The following ST18 variants were observed in gnomAD, a reference collection of about 807,000 sequenced individuals.
ST18 encodes suppression of tumorigenicity 18 protein.
In ST18, 50 loss-of-function variants were observed where a neutral mutation model predicts 110.0. The ratio of observed to expected loss-of-function variants is 0.45; its 90% CI spans 0.36 to 0.58. The LOEUF (loss-of-function observed/expected upper bound fraction) is 0.58. ST18 is among the 20% of genes least tolerant of loss of function. The pLI is 0.00. For synonymous variants in ST18, 461 were observed against 452.4 expected, an observed-to-expected ratio of 1.02 and a Z score of -0.24; for missense variants, 1,306 against 1,280.1, an observed-to-expected ratio of 1.02 and a Z score of -0.31.
intron 8 of ST18, among the ~76,000 whole-genome samples, chr8:52,207,100 T>A (rs1046231644): frequency 6.6e-6 from 1 of 152,134 alleles, no homozygotes; most frequent in African/African-American, 2.4e-5. Flanking sequence ...ATAAAGACTA[T>A]AATGAATGAA....
intron 22 of ST18, among the ~76,000 whole-genome samples, chr8:52,128,203 A>G (rs1030109094): frequency 6.6e-5 from 10 of 152,206 alleles, no homozygotes; most frequent in African/African-American, 2.2e-4. Context: ...TCCTGACAGC[A>G]AGTGATCTGC....
intron 2 of ST18, among the ~76,000 whole-genome samples, chr8:52,313,788 C>T (rs760887709): frequency 1.3e-5 from 2 of 152,162 alleles, no homozygotes; most frequent in Non-Finnish European, 2.9e-5. Flanking sequence ...ATCGTTGCTG[C>T]CCCGAGGCCT....
At chr8:52,357,730 T>A (rs868165101) in intron 2 of ST18, among the ~76,000 whole-genome samples, 122 of 86,712 alleles carry the variant, frequency 1.4e-3, no homozygotes, top group East Asian at 4.5e-3. Flanking sequence ...TATATATATA[T>A]AAAACAGACT....
At chr8:52,335,800 C>G (rs948122026) in intron 2 of ST18, among the ~76,000 whole-genome samples, 32 of 152,128 alleles carry the variant, frequency 2.1e-4, no homozygotes, top group Non-Finnish European at 8.8e-5. Flanking sequence ...TGGATATCCT[C>G]TCTGTTCCCT....
intron 10 of ST18, among the ~76,000 whole-genome samples, chr8:52,171,408 G>C (rs899537528): frequency 6.6e-6 from 1 of 152,208 alleles, no homozygotes; most frequent in African/African-American, 2.4e-5. Flanking sequence ...TAGCAAGTTA[G>C]ATAATCCAAG....
intron 15 of ST18, among the ~76,000 whole-genome samples, chr8:52,150,299 T>TAC (rs2058499232): frequency 1.3e-5 from 2 of 152,090 alleles, no homozygotes; most frequent in Non-Finnish European, 2.9e-5. Flanking sequence ...TGTGTATATA[T>TAC]ATACACATAC....
At chr8:52,363,076 G>A (rs1826377473) in intron 2 of ST18, among the ~76,000 whole-genome samples, 1 of 152,194 alleles carries the variant, frequency 6.6e-6, no homozygotes, top group South Asian at 2.1e-4. Flanking sequence ...GCCGGGCATG[G>A]TGGCGGGTGC....
chr8:52,238,268 C>T (rs1199874680), intron 2 of ST18, among the ~76,000 whole-genome samples: 3 of 152,048 alleles, frequency 2.0e-5, no homozygotes, highest in Non-Finnish European at 2.9e-5. Flanking sequence ...CACAAATATT[C>T]GTAACAGCAT....
At chr8:52,304,405 C>A (rs2095781739) in intron 2 of ST18, among the ~76,000 whole-genome samples, 1 of 152,048 alleles carries the variant, frequency 6.6e-6, no homozygotes, top group Admixed American at 6.6e-5. Flanking sequence ...GAAACAATAT[C>A]AGAGAATTAA....
chr8:52,114,466 A>C (rs545185790), intron 25 of ST18, among the ~76,000 whole-genome samples: 114 of 152,330 alleles, frequency 7.5e-4, no homozygotes, highest in African/African-American at 2.6e-3. Context: ...TACTTCGCAA[A>C]GGTGCTTGGA....
intron 2 of ST18, among the ~76,000 whole-genome samples, chr8:52,279,441 A>G (rs181245517): frequency 5.9e-5 from 9 of 152,316 alleles, no homozygotes; most frequent in South Asian, 2.1e-4. Flanking sequence ...ATCTTAACTT[A>G]CATCTAATGG....
chr8:52,340,373 A>C (rs1814331887), intron 2 of ST18, among the ~76,000 whole-genome samples: 1 of 152,328 alleles, frequency 6.6e-6, no homozygotes, highest in Non-Finnish European at 1.5e-5. Flanking sequence ...CCTGACTCAT[A>C]TGAATAAACA....
intron 2 of ST18, among the ~76,000 whole-genome samples, chr8:52,408,333 G>T (rs1225036272): frequency 6.6e-6 from 1 of 152,144 alleles, no homozygotes; most frequent in Admixed American, 6.5e-5. Context: ...AAAGATCAAG[G>T]CTCCAAGTTG....
intron 17 of ST18, among the ~76,000 whole-genome samples, chr8:52,141,004 G>A (rs545116699): frequency 1.3e-5 from 2 of 152,284 alleles, no homozygotes; most frequent in East Asian, 3.9e-4. Context: ...AGTTAGAAGT[G>A]ACTTCTAAGG....
At chr8:52,147,841 T>C (rs1434509912) in intron 16 of ST18, among the ~76,000 whole-genome samples, 2 of 152,178 alleles carry the variant, frequency 1.3e-5, no homozygotes, top group Non-Finnish European at 2.9e-5. Flanking sequence ...TAAGCAGTCA[T>C]GTGAATTGAA....
chr8:52,226,609 G>A lies in ST18; in HGVS notation c.-419+3423C>T, dbSNP rs565956139. Among the ~76,000 whole-genome samples the A allele has an allele frequency of 4.6e-5, 7 of 152,216 alleles. No homozygotes were observed. In the East Asian group the frequency reaches 1.2e-3, roughly 25 times the overall value. ...TTCTCTAAAGCCCCTTCCTGGCTTC[G>A]AAAGAAATAAAAGTTATTCTCAGTT... On this transcript the variant is annotated intron_variant, in intron 3 of 25. Transcript: ENST00000689386.
chr8:52,381,364 C>G (rs1834447896), intron 2 of ST18, among the ~76,000 whole-genome samples: 1 of 152,126 alleles, frequency 6.6e-6, no homozygotes, highest in African/African-American at 2.4e-5. Flanking sequence ...GATTCATATG[C>G]CATCTTATGC....
chr8:52,172,239 T>C lies in ST18; in HGVS notation c.622A>G (p.Asn208Asp), dbSNP rs77542952. 1.2e-6 allele frequency: 2 copies of C among 1,614,084 alleles called. No homozygotes were observed. The highest frequency in any genetic ancestry group is 1.7e-6 in the Non-Finnish European group (2 of 1,180,044). Residue 208 changes from asparagine (N) to aspartate (D), a missense_variant, in exon 10 of 26, where the codon AAC becomes GAC. Transcript: ENST00000689386. ...SAENGWDSGS[N>D]FSEETKPPRV... ...GGTGGTTTGGTTTCTTCTGAGAAGT[T>C]GGAGCCACTGTCCCAGCCATTTTCT... is the stretch of plus-strand genomic sequence containing the variant.
chr8:52,151,785 T>TA (rs537756131), intron 15 of ST18, among the ~76,000 whole-genome samples: 51 of 151,254 alleles, frequency 3.4e-4, no homozygotes, highest in Non-Finnish European at 2.5e-4. Flanking sequence ...CATAAAAAAA[T>TA]AAAAAAAAAC....
Sources: allele counts gnomAD v4.1 joint callset (sites outside exome capture counted in the v4.1 genomes callset), GRCh38; gene constraint gnomAD v4.1.1; transcripts MANE v1.5; gene names NCBI Gene and HGNC (gene_info 2026-07-23, HGNC 2026-07-21).